The following ABCD3 variants were observed in gnomAD, a reference collection of about 807,000 sequenced individuals.
The protein encoded by ABCD3 is ATP-binding cassette sub-family D member 3.
A neutral mutation model predicts 105.5 loss-of-function variants in ABCD3; 41 were observed. The ratio of observed to expected loss-of-function variants is 0.39; its 90% CI spans 0.30 to 0.50. ABCD3 has a LOEUF of 0.50. Ranked by LOEUF, ABCD3 falls within the 20% of genes least tolerant of loss-of-function variation. The pLI is 0.84. For missense variants in ABCD3, 622 were observed against 806.3 expected (o/e 0.77, Z 2.77); for synonymous variants, 258 against 269.0 (o/e 0.96, Z 0.40).
intron 4 of ABCD3, among the ~76,000 whole-genome samples, chr1:94,471,099 G>T (rs1648434455): frequency 6.6e-6 from 1 of 152,194 alleles, no homozygotes; most frequent in East Asian, 1.9e-4. Flanking sequence ...TCCCTTGAAG[G>T]GTGTTTGTAG....
At chr1:94,460,565 C>T (rs1647821115) in intron 2 of ABCD3, among the ~76,000 whole-genome samples, 1 of 152,128 alleles carries the variant, frequency 6.6e-6, no homozygotes, top group African/African-American at 2.4e-5. Context: ...ATGGAGCTTA[C>T]ATTCTGCATA....
At chr1:94,426,684 A>G (rs1659483272) in intron 1 of ABCD3, among the ~76,000 whole-genome samples, 1 of 151,818 alleles carries the variant, frequency 6.6e-6, no homozygotes, top group African/African-American at 2.4e-5. Context: ...CTGGGATTAC[A>G]GGCACCCGCC....
intron 6 of ABCD3, 91 bp downstream of exon 6, chr1:94,475,331 A>T (rs1052970106): frequency 1.0e-6 from 1 of 983,004 alleles, no homozygotes; most frequent in African/African-American, 1.7e-5. Flanking sequence ...TATTTATTGT[A>T]TGTTTTCTAA....
intron 2 of ABCD3, among the ~76,000 whole-genome samples, chr1:94,461,758 G>A (rs1167472409): frequency 6.6e-6 from 1 of 152,158 alleles, no homozygotes; most frequent in African/African-American, 2.4e-5. Context: ...TATTATAAAC[G>A]AGTACGATGT....
intron 16 of ABCD3, among the ~76,000 whole-genome samples, chr1:94,495,579 C>T (rs927945536): frequency 2.0e-5 from 3 of 152,086 alleles, no homozygotes; most frequent in Admixed American, 6.6e-5. Flanking sequence ...TGATTTAGAG[C>T]ATAAAAGGAT....
intron 2 of ABCD3, 49 bp from the exon 3 acceptor site, chr1:94,464,726 G>A: frequency 6.9e-7 from 1 of 1,452,916 alleles, no homozygotes; most frequent in Non-Finnish European, 9.7e-7. Context: ...TTAATTTTAT[G>A]ATATGTTTGT....
intron 1 of ABCD3, chr1:94,455,908 A>C (rs996030827): frequency 9.1e-7 from 1 of 1,093,866 alleles, no homozygotes. Flanking sequence ...ATTAGTGGTA[A>C]GCAGTGTGGC....
In ABCD3 at chr1:94,458,619, A is replaced by G; in HGVS notation, c.123A>G (p.Gly41=). ...TTTTCCTCTGCAGTAAGAAAAGTGG[A>G]AAACCACCATTACAGAACAATGAGG... The part of the protein sequence containing the change: ...RALGLHGKKS[G]KPPLQNNEKE... The change falls in exon 2 of 23, where the codon GGA becomes GGG. Residue 41 remains glycine (G), a synonymous_variant. Coordinates refer to ENST00000370214, the MANE Select transcript of ABCD3 (RefSeq NM_002858.4). 2 of 1,612,980 alleles carry G rather than the reference A, an allele frequency of 1.2e-6. No homozygotes were observed. Among genetic ancestry groups the G allele is most frequent in the African/African-American group, 2.7e-5 (2 of 75,020 alleles).
At chr1:94,424,204 G>A (rs377161746) in intron 1 of ABCD3, among the ~76,000 whole-genome samples, 7 of 152,078 alleles carry the variant, frequency 4.6e-5, no homozygotes, top group South Asian at 2.1e-4. Flanking sequence ...GGTCTGCTAG[G>A]GGGAACTGAG....
At chr1:94,391,624 T>C in the ABCD3 span, among the ~76,000 whole-genome samples, 1 of 152,158 alleles carries the variant, frequency 6.6e-6, no homozygotes, top group Non-Finnish European at 1.5e-5. Context: ...TGAGTGCTCC[T>C]TAGCACTGCA....
chr1:94,434,058 G>A (rs1659799392), intron 1 of ABCD3, among the ~76,000 whole-genome samples: 2 of 152,206 alleles, frequency 1.3e-5, no homozygotes, highest in African/African-American at 2.4e-5. Flanking sequence ...TGCAGGACTG[G>A]AAGTTGCTGT....
At chr1:94,489,439 A>G (rs1649424011) in intron 13 of ABCD3, among the ~76,000 whole-genome samples, 1 of 152,050 alleles carries the variant, frequency 6.6e-6, no homozygotes, top group South Asian at 2.1e-4. Flanking sequence ...TATCCAAGAG[A>G]AACCTCCTGA....
intron 3 of ABCD3, 116 bp from the exon 4 acceptor site, chr1:94,467,803 A>C (rs1395370002): frequency 1.4e-6 from 1 of 708,798 alleles, no homozygotes; most frequent in Non-Finnish European, 2.5e-6. Flanking sequence ...TCAGCCAACT[A>C]TATTGAAACT....
intron 1 of ABCD3, among the ~76,000 whole-genome samples, chr1:94,420,836 A>C (rs1231665957): frequency 5.3e-5 from 8 of 152,272 alleles, no homozygotes; most frequent in Non-Finnish European, 2.9e-5. Context: ...CTGGTGCTTA[A>C]TTAAGGAAAC....
intron 2 of ABCD3, among the ~76,000 whole-genome samples, chr1:94,462,377 C>T (rs997833609): frequency 6.6e-6 from 1 of 152,146 alleles, no homozygotes; most frequent in Non-Finnish European, 1.5e-5. Flanking sequence ...AGATTGGTTT[C>T]AGGTAGAGTT....
At chr1:94,444,043 A>G (rs1300885016) in intron 1 of ABCD3, among the ~76,000 whole-genome samples, 2 of 151,386 alleles carry the variant, frequency 1.3e-5, no homozygotes, top group African/African-American at 4.9e-5. Flanking sequence ...CTGTGTTTTT[A>G]TATTTTTCGG....
intron 1 of ABCD3, among the ~76,000 whole-genome samples, chr1:94,431,912 A>C (rs1170670978): frequency 6.6e-6 from 1 of 152,192 alleles, no homozygotes; most frequent in Non-Finnish European, 1.5e-5. Flanking sequence ...AACAGTGCCC[A>C]AGATATATTG....
At chr1:94,453,115 C>T (rs1057038610) in intron 1 of ABCD3, among the ~76,000 whole-genome samples, 8 of 152,046 alleles carry the variant, frequency 5.3e-5, no homozygotes, top group Non-Finnish European at 1.0e-4. Flanking sequence ...AATGTGGAAG[C>T]TTCTTTTACC....
At chr1:94,505,504 G>A (rs901342926) in intron 20 of ABCD3, among the ~76,000 whole-genome samples, 1 of 151,776 alleles carries the variant, frequency 6.6e-6, no homozygotes, top group African/African-American at 2.4e-5. Flanking sequence ...GTGACCCACT[G>A]TGCCTGGCTG....
Sources: gnomAD v4.1 joint callset for allele counts (sites outside exome capture counted in the v4.1 genomes callset) on GRCh38, gnomAD v4.1.1 for gene constraint, MANE v1.5 for transcripts, NCBI Gene and HGNC (gene_info 2026-07-23, HGNC 2026-07-21) for gene names.